The following CD82 variants were observed in gnomAD, a reference collection of about 807,000 sequenced individuals.
The protein encoded by CD82 is CD82 molecule, also known as CD82 antigen.
A neutral mutation model predicts 37.4 loss-of-function variants in CD82; 36 were observed. The observed-to-expected ratio is 0.96, with a 90% CI of 0.74 to 1.27. CD82 has a LOEUF of 1.27. Ranked by LOEUF, CD82 falls within the 50% of genes most tolerant of loss-of-function variation. The probability of loss-of-function intolerance (pLI) is 0.00; values close to 1 mark genes in which losing one functional copy is unlikely to be tolerated. For synonymous variants in CD82, 158 were observed against 137.4 expected, an observed-to-expected ratio of 1.15 and a Z score of -1.05; for missense variants, 340 against 347.0, an observed-to-expected ratio of 0.98 and a Z score of 0.16.
chr11:44,567,816 GA>G (rs954431064), intron 1 of CD82, among the ~76,000 whole-genome samples: 2 of 152,038 alleles, frequency 1.3e-5, no homozygotes, highest in African/African-American at 4.8e-5. Context: ...GAAGATAAAT[GA>G]AAAAAGGATT....
intron 6 of CD82, among the ~76,000 whole-genome samples, chr11:44,612,513 A>G (rs928976142): frequency 6.7e-6 from 1 of 148,792 alleles, no homozygotes. Context: ...AGCTTTGTAA[A>G]TTGCAGAACT....
At chr11:44,601,374 G>A (rs1853306668) in intron 4 of CD82, among the ~76,000 whole-genome samples, 1 of 151,550 alleles carries the variant, frequency 6.6e-6, no homozygotes, top group Admixed American at 6.6e-5. Flanking sequence ...GCACCCCGGG[G>A]CTATCAGTCT....
chr11:44,591,116 C>T (rs1853139292), intron 2 of CD82, among the ~76,000 whole-genome samples: 1 of 152,232 alleles, frequency 6.6e-6, no homozygotes, highest in African/African-American at 2.4e-5. Flanking sequence ...TCTCCTCCCT[C>T]GGGTGATGTC....
chr11:44,576,553 A>G (rs532936841), intron 1 of CD82, among the ~76,000 whole-genome samples: 138 of 152,324 alleles, frequency 9.1e-4, no homozygotes, highest in African/African-American at 3.1e-3. Context: ...AGAGACGGTC[A>G]GCCCAAGGGT....
chr11:44,604,826 G>A lies in CD82; in HGVS notation c.137-232G>A, dbSNP rs149241525. The A allele has an allele frequency of 1.2e-3, 664 of 577,168 alleles. 7 individuals are homozygous for A. In the African/African-American group the frequency reaches 0.012, roughly 10 times the overall value. The allele number at this position is 577,168 out of a possible 1,614,324, so 35.8% of individuals were successfully genotyped here. On this transcript the variant is annotated intron_variant, in intron 4 of 9. Transcript: ENST00000227155. Reference sequence around the variant, plus strand: ...GCCTTACGAAGTAAAAAATAAAGCCGGGAAGGGGCTTAGGCTGGATGAGGG... The same window carrying A: ...GCCTTACGAAGTAAAAAATAAAGCCAGGAAGGGGCTTAGGCTGGATGAGGG...
rs56680984 is a variant in CD82, at chr11:44,571,278, C to G, written c.-103+5542C>G. ...GTGTTCCAGAAGCCTTCCTGAGTCC[C>G]AGCTGGGCTTGGGCCTGGGGGAGTG... On this transcript the variant is annotated intron_variant, in intron 1 of 9. Transcript: ENST00000227155. Among the ~76,000 whole-genome samples the G allele has an allele frequency of 1.9e-3, 289 of 152,284 alleles. 1 individual carries two copies. The highest frequency in any genetic ancestry group is 6.8e-3 in the African/African-American group (281 of 41,534).
In CD82 at chr11:44,619,277, C is replaced by T. The variant is rs1018210278; in HGVS notation, c.*151C>T. The T allele has an allele frequency of 1.2e-5, 8 of 666,028 alleles. No individual in the cohort carries two copies. The highest frequency in any genetic ancestry group is 1.6e-5 in the Non-Finnish European group (6 of 368,624). The allele number at this position is 666,028 out of a possible 1,614,324, so 41.3% of individuals were successfully genotyped here. A position where few individuals can be genotyped will look rare whatever the true frequency, so the allele number is the denominator to read the frequency against. ...AAGTAGGGGGCTTTCTGGGGCCTAG[C>T]GATCTCTCCTGGCCTATCCGCTGCC... is the stretch of plus-strand genomic sequence containing the variant. On this transcript the variant is annotated 3_prime_UTR_variant, in exon 10 of 10. Coordinates refer to ENST00000227155, the MANE Select transcript of CD82 (RefSeq NM_002231.4).
At chr11:44,614,635 C>T (rs1044353990) in intron 6 of CD82, among the ~76,000 whole-genome samples, 6 of 152,098 alleles carry the variant, frequency 3.9e-5, no homozygotes, top group Non-Finnish European at 8.8e-5. Context: ...GCATGCTTTC[C>T]CTTGTGGGAT....
chr11:44,614,163 C>A (rs1853527151), intron 6 of CD82, among the ~76,000 whole-genome samples: 1 of 152,154 alleles, frequency 6.6e-6, no homozygotes, highest in Non-Finnish European at 1.5e-5. Context: ...CGGGCACCCA[C>A]CACCATGACT....
At chr11:44,617,000 G>T (rs1464402459) in intron 7 of CD82, among the ~76,000 whole-genome samples, 1 of 152,156 alleles carries the variant, frequency 6.6e-6, no homozygotes, top group East Asian at 1.9e-4. Context: ...TGTAAACCTG[G>T]ATTAGAAACT....
At chr11:44,599,669 G>T (rs1262422664) in intron 3 of CD82, among the ~76,000 whole-genome samples, 1 of 152,248 alleles carries the variant, frequency 6.6e-6, no homozygotes, top group Non-Finnish European at 1.5e-5. Context: ...CAGAATGGGG[G>T]CACCCGAGTC....
chr11:44,572,838 C>T (rs1344709791), intron 1 of CD82, among the ~76,000 whole-genome samples: 1 of 152,100 alleles, frequency 6.6e-6, no homozygotes, highest in African/African-American at 2.4e-5. Context: ...AAATGGAAGC[C>T]GGTGGAAGAA....
Position 44,619,045 on chromosome 11 carries a change from A to G in CD82, c.727-4A>G, listed in dbSNP as rs1853615148. On this transcript the variant is annotated splice_polypyrimidine_tract_variant and splice_region_variant and intron_variant, in intron 9 of 9. Transcript: ENST00000227155. ...TCCCTCTGACTCTCCGCCTCTCCCC[A>G]CAGCTCCTGGGGATGGTCCTGTCCA... 22 of 1,613,434 alleles carry G rather than the reference A, an allele frequency of 1.4e-5. No individual in the cohort carries two copies. Among genetic ancestry groups the G allele is most frequent in the Non-Finnish European group, 1.7e-5 (20 of 1,179,800 alleles).
intron 2 of CD82, among the ~76,000 whole-genome samples, chr11:44,590,111 G>A (rs376983673): frequency 1.3e-5 from 2 of 151,080 alleles, no homozygotes; most frequent in East Asian, 4.1e-4. Context: ...GGGATTACAG[G>A]TGTGAGCCAC....
At chr11:44,605,247 C>T (rs767442776) in intron 5 of CD82, 65 bp downstream of exon 5, 243 of 1,606,788 alleles carry the variant, frequency 1.5e-4, no homozygotes, top group Middle Eastern at 3.3e-4. Flanking sequence ...GCAGCCTGAC[C>T]GCGGCGCTGG....
intron 1 of CD82, chr11:44,585,171 C>T (rs865878405): frequency 4.4e-6 from 2 of 456,094 alleles, no homozygotes; most frequent in Middle Eastern, 6.5e-4. Flanking sequence ...CAGTGGTCAT[C>T]TTCTGGCACG....
intron 7 of CD82, among the ~76,000 whole-genome samples, chr11:44,616,217 C>T (rs1180456034): frequency 6.6e-6 from 1 of 152,118 alleles, no homozygotes; most frequent in Non-Finnish European, 1.5e-5. Flanking sequence ...GCAGAGAGGA[C>T]ACTCCATCTA....
At chr11:44,593,990 G>A (rs2134654621) in intron 2 of CD82, among the ~76,000 whole-genome samples, 1 of 22,894 alleles carries the variant, frequency 4.4e-5, no homozygotes, top group African/African-American at 1.7e-4. Context: ...AGAACCATTT[G>A]TTATACACAC....
At chr11:44,564,532 C>T (rs1175868185), upstream of CD82, 1 of 455,822 alleles carries the variant, frequency 2.2e-6, no homozygotes, top group Non-Finnish European at 4.4e-6. Context: ...TCCTCTGGAG[C>T]CTGGGAGGGC....
Sources: allele counts gnomAD v4.1 joint callset (sites outside exome capture counted in the v4.1 genomes callset), GRCh38; gene constraint gnomAD v4.1.1; transcripts MANE v1.5; gene names NCBI Gene and HGNC (gene_info 2026-07-23, HGNC 2026-07-21).